The following EDEM3 variants were observed in gnomAD, a reference collection of about 807,000 sequenced individuals.
The protein encoded by EDEM3 is ER degradation enhancing alpha-mannosidase like protein 3.
EDEM3 carries 60 observed loss-of-function variants against 110.2 expected under a neutral mutation model. That is an observed-to-expected ratio of 0.54 (90% CI 0.44 to 0.67). The LOEUF (loss-of-function observed/expected upper bound fraction) is 0.67, where lower values mean the gene tolerates loss of function less well. Among genes scored for constraint, EDEM3 ranks in the 30% least tolerant of loss-of-function variants. The pLI is 0.00. For missense variants in EDEM3, 996 were observed against 1,121.0 expected, an observed-to-expected ratio of 0.89 and a Z score of 1.59; for synonymous variants, 352 against 382.9, an observed-to-expected ratio of 0.92 and a Z score of 0.94.
At chr1:184,710,267 T>C (rs1571361617) in intron 16 of EDEM3, 127 bp downstream of exon 16, 5 of 1,142,524 alleles carry the variant, frequency 4.4e-6, no homozygotes, top group Non-Finnish European at 5.9e-6. Context: ...CCTAAAATTC[T>C]CATTCTCTCA....
chr1:184,710,374 T>A lies in EDEM3; in HGVS notation c.1845+20A>T. On this transcript the variant is annotated intron_variant, in intron 16 of 19. Transcript: ENST00000318130. ...AAAGCAGGGCAGAGACGGTATCTAA[T>A]TAGTGTAGCAATGTCTTACTTGGAT... 6.2e-7 allele frequency: 1 copy of A among 1,608,732 alleles called. No homozygotes were observed. The highest frequency in any genetic ancestry group is 8.5e-7 in the Non-Finnish European group (1 of 1,177,120).
chr1:184,752,777 A>G (rs2102144222), intron 1 of EDEM3, among the ~76,000 whole-genome samples: 1 of 152,314 alleles, frequency 6.6e-6, no homozygotes, highest in Middle Eastern at 3.4e-3. Flanking sequence ...TGGCTCTGGG[A>G]TCAGACAGGC....
intron 12 of EDEM3, 94 bp from the exon 13 acceptor site, chr1:184,717,106 T>C: frequency 2.0e-6 from 2 of 1,008,530 alleles, no homozygotes; most frequent in Non-Finnish European, 2.8e-6. Flanking sequence ...ACCTACTAGG[T>C]GCCAGGCACT....
rs781436824 is a variant in EDEM3 at position 184,725,045 on chromosome 1, A to G, written c.748-1189T>C. Among the ~76,000 whole-genome samples the G allele has an allele frequency of 5.9e-5, 9 of 152,196 alleles. No individual in the cohort carries two copies. In the East Asian group the frequency reaches 1.7e-3, roughly 29 times the overall value. On this transcript the variant is annotated intron_variant, in intron 7 of 19. Coordinates refer to ENST00000318130, the MANE Select transcript of EDEM3 (RefSeq NM_025191.4). Reference sequence around the variant, plus strand: ...AAACAATTGAGCATGGCTGTGTTCCAATAAAGCTTTATTTATAAAAACAGG... The same window carrying G: ...AAACAATTGAGCATGGCTGTGTTCCGATAAAGCTTTATTTATAAAAACAGG...
At chr1:184,696,479 G>C (rs1445192724) in intron 19 of EDEM3, among the ~76,000 whole-genome samples, 1 of 151,636 alleles carries the variant, frequency 6.6e-6, no homozygotes, top group Non-Finnish European at 1.5e-5. Flanking sequence ...CTTTATGATG[G>C]GGAGGAAAGG....
intron 1 of EDEM3, 120 bp downstream of exon 1, chr1:184,754,369 C>A: frequency 2.7e-6 from 4 of 1,475,662 alleles, no homozygotes; most frequent in Non-Finnish European, 3.6e-6. Context: ...GGTTCTCGCG[C>A]GGGAAGAGCC....
rs888859228 is a variant in EDEM3 at position 184,754,846 on chromosome 1, A to C, written c.-200T>G. ...AGCGCTGCCACCGCCCTCCGCCCTC[A>C]GTATCCCGGAGCGCCTCCCCCAGCT... On this transcript the variant is annotated 5_prime_UTR_variant, in exon 1 of 20. Coordinates refer to ENST00000318130, the MANE Select transcript of EDEM3 (RefSeq NM_025191.4). The C allele has an allele frequency of 3.3e-5, 27 of 828,812 alleles. No homozygotes were observed. The highest frequency in any genetic ancestry group is 3.6e-5 in the Admixed American group (1 of 27,554). The allele number at this position is 828,812 out of a possible 1,614,324, so 51.3% of individuals were successfully genotyped here. A position where few individuals can be genotyped will look rare whatever the true frequency, so the allele number is the denominator to read the frequency against.
At position 184,739,206 on chromosome 1, in the gene EDEM3, ATTATT is replaced by A. The variant is rs1303887569; in HGVS notation, c.205-1500_205-1496del. On this transcript the variant is annotated intron_variant, in intron 2 of 19. Transcript: ENST00000318130. ...ATTTGCCTATTCCTACTCCAAAACC[ATTATT>A]TTAATTATTTTATCATTAAAATTAT... is the stretch of plus-strand genomic sequence containing the variant. Among the ~76,000 whole-genome samples the A allele has an allele frequency of 3.3e-5, 5 of 150,206 alleles. No individual in the cohort carries two copies. In the East Asian group the frequency reaches 7.7e-4, roughly 23 times the overall value.
intron 19 of EDEM3, among the ~76,000 whole-genome samples, chr1:184,694,992 G>A (rs755572671): frequency 6.6e-6 from 1 of 151,954 alleles, no homozygotes; most frequent in Admixed American, 6.6e-5. Context: ...GGGTATTAAT[G>A]TGACTGATCA....
chr1:184,701,466 A>G (rs1380732376), intron 19 of EDEM3: 8 of 1,236,162 alleles, frequency 6.5e-6, no homozygotes, highest in Non-Finnish European at 8.4e-6. Flanking sequence ...ATACGTATAT[A>G]ATTTAAGGCT....
At chr1:184,736,936 T>C in intron 4 of EDEM3, 89 bp downstream of exon 4, 1 of 1,079,346 alleles carries the variant, frequency 9.3e-7, no homozygotes, top group Non-Finnish European at 1.4e-6. Flanking sequence ...TGAAGGCTTC[T>C]ATTTCATACT....
At chr1:184,719,303 T>C in intron 10 of EDEM3, 58 bp from the exon 11 acceptor site, 1 of 1,507,356 alleles carries the variant, frequency 6.6e-7, no homozygotes, top group Non-Finnish European at 8.9e-7. Flanking sequence ...TTATCTCTAA[T>C]CATTACATAA....
At position 184,712,589 on chromosome 1, in the gene EDEM3, A is replaced by G. The variant is rs769130696; in HGVS notation, c.1380T>C (p.Ser460=). ...ATTTAAACATTTCAGCCAAGAAGAA[A>G]GAATCCATTCTAAAATAAAAAGTCA... The part of the protein sequence containing the change: ...RTGSHEDRMD[S]FFLAEMFKYL... The change falls in exon 14 of 20, where the codon TCT becomes TCC. Residue 460 remains serine, a synonymous_variant. Coordinates refer to ENST00000318130, the MANE Select transcript of EDEM3 (RefSeq NM_025191.4). The G allele has an allele frequency of 6.5e-7, 1 of 1,529,708 alleles. No individual in the cohort carries two copies. The highest frequency in any genetic ancestry group is 8.8e-7 in the Non-Finnish European group (1 of 1,130,820). 94.8% of individuals were successfully genotyped at this position (1,529,708 alleles called of 1,614,324 possible). A position where few individuals can be genotyped will look rare whatever the true frequency, so the allele number is the denominator to read the frequency against.
At chr1:184,698,196 C>G (rs962280279) in intron 19 of EDEM3, among the ~76,000 whole-genome samples, 2 of 151,538 alleles carry the variant, frequency 1.3e-5, no homozygotes, top group Non-Finnish European at 3.0e-5. Context: ...TTGCTACAAC[C>G]TTTTTTGGAA....
At chr1:184,754,431 C>G (rs1363317672) in intron 1 of EDEM3, 58 bp downstream of exon 1, 2 of 1,603,510 alleles carry the variant, frequency 1.2e-6, no homozygotes, top group African/African-American at 2.7e-5. Context: ...CAATGACAGG[C>G]ACCCCTCCTG....
chr1:184,722,161 G>C (rs1425749781), intron 8 of EDEM3, among the ~76,000 whole-genome samples: 1 of 151,830 alleles, frequency 6.6e-6, no homozygotes. Flanking sequence ...GAAAATAATA[G>C]TTCTCATCTC....
chr1:184,744,322 T>C (rs1652310515), intron 2 of EDEM3, among the ~76,000 whole-genome samples: 1 of 143,738 alleles, frequency 7.0e-6, no homozygotes, highest in Admixed American at 7.1e-5. Context: ...TGGGAAAATT[T>C]TCAATGTCAT....
intron 8 of EDEM3, among the ~76,000 whole-genome samples, chr1:184,721,680 A>T (rs1057051007): frequency 2.6e-5 from 4 of 152,058 alleles, no homozygotes; most frequent in African/African-American, 9.6e-5. Context: ...GGAAATCTAA[A>T]GATGAAGTCT....
At position 184,706,671 on chromosome 1, in the gene EDEM3, A is replaced by G; in HGVS notation, c.2175T>C (p.Asn725=). 6.2e-7 allele frequency: 1 copy of G among 1,613,392 alleles called. No homozygotes were observed. Residue 725 remains asparagine, a synonymous_variant, in exon 18 of 20, where the codon AAT becomes AAC. Coordinates refer to ENST00000318130, the MANE Select transcript of EDEM3 (RefSeq NM_025191.4). ...TAACAATGCCACCAATGGCTCCAGC[A>G]TTCTGGATGTTGCGTGCCTTTTCTG... ...MFAEKARNIQ[N]AGAIGGIVID...
Sources: gnomAD v4.1 joint callset for allele counts (sites outside exome capture counted in the v4.1 genomes callset) on GRCh38, gnomAD v4.1.1 for gene constraint, MANE v1.5 for transcripts, NCBI Gene and HGNC (gene_info 2026-07-23, HGNC 2026-07-21) for gene names.